PRELID2: variants seen among roughly 807,000 people sequenced by gnomAD.
The protein encoded by PRELID2 is PRELI domain-containing protein 2.
Under a neutral mutation model 28.4 loss-of-function variants are expected in PRELID2, and 25 were observed. The ratio of observed to expected loss-of-function variants is 0.88; its 90% CI spans 0.64 to 1.23. The LOEUF is 1.23. Among genes scored for constraint, PRELID2 ranks in the 50% most tolerant of loss-of-function variants. The probability of loss-of-function intolerance (pLI) is 0.00; values close to 1 mark genes in which losing one functional copy is unlikely to be tolerated. For synonymous variants in PRELID2, 76 were observed against 71.6 expected (o/e 1.06, Z -0.31); for missense variants, 201 against 214.4 (o/e 0.94, Z 0.39).
the PRELID2 span, among the ~76,000 whole-genome samples, chr5:145,411,636 C>A: frequency 6.6e-6 from 1 of 152,154 alleles, no homozygotes; most frequent in African/African-American, 2.4e-5. Context: ...AGTGGATCTA[C>A]CATTCTGGTG....
chr5:145,286,724 GTT>G, the PRELID2 span, among the ~76,000 whole-genome samples: 1 of 114,434 alleles, frequency 8.7e-6, no homozygotes, highest in Non-Finnish European at 1.7e-5. Flanking sequence ...TTGTTTGTTT[GTT>G]TTTTTTTTTT....
intron 1 of PRELID2, among the ~76,000 whole-genome samples, chr5:145,482,747 G>A (rs1478557142): frequency 6.6e-6 from 1 of 151,752 alleles, no homozygotes; most frequent in Non-Finnish European, 1.5e-5. Context: ...TAGGAGCCCT[G>A]AGCTTGTTTT....
the PRELID2 span, among the ~76,000 whole-genome samples, chr5:145,235,516 G>A: frequency 6.6e-6 from 1 of 152,240 alleles, no homozygotes; most frequent in East Asian, 1.9e-4. Context: ...ACAAGAATTG[G>A]CACTCAAATC....
chr5:145,609,589 C>A (rs375882274), intron 1 of PRELID2, among the ~76,000 whole-genome samples: 3 of 152,206 alleles, frequency 2.0e-5, no homozygotes, highest in East Asian at 3.9e-4. Flanking sequence ...AGAGTTTAGG[C>A]ATAAGTGGGA....
chr5:145,437,412 A>T, the PRELID2 span, among the ~76,000 whole-genome samples: 1 of 152,168 alleles, frequency 6.6e-6, no homozygotes, highest in Non-Finnish European at 1.5e-5. Context: ...AAAAGGAAGA[A>T]TTTACCTAAT....
intron 1 of PRELID2, among the ~76,000 whole-genome samples, chr5:145,532,383 A>G (rs1752661153): frequency 6.6e-6 from 1 of 152,150 alleles, no homozygotes; most frequent in South Asian, 2.1e-4. Context: ...AGAGTGTACA[A>G]TGTGATCCTT....
At chr5:145,277,143 C>A in the PRELID2 span, among the ~76,000 whole-genome samples, 1 of 152,040 alleles carries the variant, frequency 6.6e-6, no homozygotes, top group Admixed American at 6.6e-5. Context: ...TATTTCCTGC[C>A]ATAACCCTCA....
chr5:145,524,245 G>A (rs1752587992), intron 1 of PRELID2, among the ~76,000 whole-genome samples: 1 of 152,202 alleles, frequency 6.6e-6, no homozygotes. Context: ...ATGGGTCATG[G>A]GTTGGCCCCA....
chr5:145,803,753 G>C (rs978411266), intron 4 of PRELID2, among the ~76,000 whole-genome samples: 2 of 79,262 alleles, frequency 2.5e-5, no homozygotes, highest in Non-Finnish European at 5.4e-5. Flanking sequence ...AAAAAAAAAA[G>C]CACAGTGGCT....
intron 1 of PRELID2, among the ~76,000 whole-genome samples, chr5:145,624,955 G>A (rs1212624711): frequency 1.3e-5 from 2 of 152,046 alleles, no homozygotes; most frequent in African/African-American, 2.4e-5. Flanking sequence ...GAAGAGAGGC[G>A]CAAATGTCCC....
intron 1 of PRELID2, among the ~76,000 whole-genome samples, chr5:145,569,924 G>A (rs1384807779): frequency 2.0e-5 from 3 of 152,116 alleles, no homozygotes; most frequent in Admixed American, 6.6e-5. Flanking sequence ...CAAACTGGGT[G>A]GCTTAAACAA....
the PRELID2 span, among the ~76,000 whole-genome samples, chr5:145,287,653 T>C: frequency 6.6e-6 from 1 of 152,218 alleles, no homozygotes; most frequent in African/African-American, 2.4e-5. Flanking sequence ...AAAGAGTTTT[T>C]ATGTATCTTA....
intron 1 of PRELID2, among the ~76,000 whole-genome samples, chr5:145,573,346 T>C (rs925336964): frequency 2.0e-5 from 3 of 152,036 alleles, no homozygotes; most frequent in African/African-American, 7.3e-5. Context: ...TCTTTTTTTT[T>C]TTACTTTAAG....
At chr5:145,574,018 T>C (rs1254653828) in intron 1 of PRELID2, among the ~76,000 whole-genome samples, 2 of 152,180 alleles carry the variant, frequency 1.3e-5, no homozygotes, top group Admixed American at 1.3e-4. Flanking sequence ...AGGTTGCAGA[T>C]GGAATTAATG....
At chr5:145,586,794 C>T (rs1753159284) in intron 1 of PRELID2, among the ~76,000 whole-genome samples, 1 of 152,034 alleles carries the variant, frequency 6.6e-6, no homozygotes, top group Admixed American at 6.6e-5. Flanking sequence ...AAATCTCAGG[C>T]CCAGAGAACT....
the PRELID2 span, among the ~76,000 whole-genome samples, chr5:145,433,672 C>A: frequency 6.6e-6 from 1 of 152,164 alleles, no homozygotes; most frequent in East Asian, 1.9e-4. Flanking sequence ...CCTCTTCCAA[C>A]TCCCGAGACA....
chr5:145,501,816 C>T (rs887221029), intron 1 of PRELID2, among the ~76,000 whole-genome samples: 1 of 152,184 alleles, frequency 6.6e-6, no homozygotes. Flanking sequence ...CTCTCTGCCT[C>T]TTCTGAACTC....
intron 1 of PRELID2, among the ~76,000 whole-genome samples, chr5:145,599,655 G>A (rs757722154): frequency 2.6e-5 from 4 of 151,904 alleles, no homozygotes; most frequent in African/African-American, 4.8e-5. Context: ...AATGACCTCC[G>A]TAGCATTTGA....
At chr5:145,293,718 A>G in the PRELID2 span, among the ~76,000 whole-genome samples, 1 of 152,194 alleles carries the variant, frequency 6.6e-6, no homozygotes, top group African/African-American at 2.4e-5. Context: ...ATTAACATGT[A>G]TAGAGAATAG....
Sources: gnomAD v4.1 joint callset for allele counts (sites outside exome capture counted in the v4.1 genomes callset) on GRCh38, gnomAD v4.1.1 for gene constraint, MANE v1.5 for transcripts, NCBI Gene and HGNC (gene_info 2026-07-23, HGNC 2026-07-21) for gene names.